NBAS: variants seen among roughly 807,000 people sequenced by gnomAD.
The protein encoded by NBAS is NBAS subunit of NRZ tethering complex.
In NBAS, 219 loss-of-function variants were observed where a neutral mutation model predicts 302.5. That is an observed-to-expected ratio of 0.72 (90% CI 0.65 to 0.81). The LOEUF is 0.81. Ranked by LOEUF, NBAS falls within the 30% of genes least tolerant of loss-of-function variation. The pLI, the probability that NBAS is intolerant of heterozygous loss-of-function variation, is 0.00. For synonymous variants in NBAS, 1,118 were observed against 1,021.6 expected, an observed-to-expected ratio of 1.09 and a Z score of -1.80; for missense variants, 2,932 against 2,841.6, an observed-to-expected ratio of 1.03 and a Z score of -0.72.
intron 42 of NBAS, among the ~76,000 whole-genome samples, chr2:15,279,493 G>A (rs1051088292): frequency 6.6e-6 from 1 of 152,120 alleles, no homozygotes; most frequent in Non-Finnish European, 1.5e-5. Flanking sequence ...TACTTCATTC[G>A]TAACACCTTG....
intron 48 of NBAS, among the ~76,000 whole-genome samples, chr2:15,209,785 A>T (rs1666322643): frequency 6.6e-6 from 1 of 152,172 alleles, no homozygotes; most frequent in Non-Finnish European, 1.5e-5. Flanking sequence ...CACAAACATC[A>T]GTGGAACAGA....
chr2:14,809,883 T>G, the NBAS span, among the ~76,000 whole-genome samples: 5 of 152,322 alleles, frequency 3.3e-5, no homozygotes, highest in African/African-American at 4.8e-5. Context: ...ATCTACCTAT[T>G]GCATCGGCGT....
the NBAS span, among the ~76,000 whole-genome samples, chr2:15,109,709 G>A: frequency 6.6e-6 from 1 of 151,948 alleles, no homozygotes; most frequent in Non-Finnish European, 1.5e-5. Flanking sequence ...AGCTCTCTGA[G>A]GTCTCTTTAT....
At chr2:15,301,843 G>C (rs1052180748) in intron 40 of NBAS, among the ~76,000 whole-genome samples, 1 of 152,176 alleles carries the variant, frequency 6.6e-6, no homozygotes, top group Non-Finnish European at 1.5e-5. Context: ...AGCATTAAAG[G>C]CAGAGTTTTT....
the NBAS span, among the ~76,000 whole-genome samples, chr2:15,036,030 A>G: frequency 6.6e-6 from 1 of 152,234 alleles, no homozygotes; most frequent in African/African-American, 2.4e-5. Context: ...ACATATTTTA[A>G]ATGTAAGTGA....
At chr2:14,799,007 T>A in the NBAS span, among the ~76,000 whole-genome samples, 1 of 152,036 alleles carries the variant, frequency 6.6e-6, no homozygotes, top group Non-Finnish European at 1.5e-5. Flanking sequence ...AGAGAGAATT[T>A]TACTACTTTG....
chr2:15,255,005 C>A (rs551218127), intron 44 of NBAS, among the ~76,000 whole-genome samples: 2 of 152,174 alleles, frequency 1.3e-5, no homozygotes, highest in African/African-American at 2.4e-5. Flanking sequence ...TTTGCAATTG[C>A]GAATTGTGCT....
intron 51 of NBAS, among the ~76,000 whole-genome samples, chr2:15,175,804 T>C (rs956400449): frequency 6.6e-6 from 1 of 152,216 alleles, no homozygotes; most frequent in Non-Finnish European, 1.5e-5. Flanking sequence ...GTCAGTACAA[T>C]CTCTGGCATC....
At chr2:14,846,143 C>T in the NBAS span, among the ~76,000 whole-genome samples, 1,948 of 152,066 alleles carry the variant, frequency 0.013, 49 homozygotes, top group African/African-American at 0.045. Context: ...AAAGAAAGGA[C>T]CTTAAAAGCA....
chr2:14,869,376 G>A, the NBAS span, among the ~76,000 whole-genome samples: 1 of 152,260 alleles, frequency 6.6e-6, no homozygotes, highest in African/African-American at 2.4e-5. Context: ...GTACACTCTA[G>A]CTGGCTATTC....
chr2:15,553,383 T>C (rs754087812), intron 5 of NBAS, 43 bp downstream of exon 5: 3 of 1,521,646 alleles, frequency 2.0e-6, no homozygotes, highest in Non-Finnish European at 2.7e-6. Context: ...GTAACAAATA[T>C]TTCTCAAAGG....
chr2:15,190,201 A>G, intron 49 of NBAS, 63 bp downstream of exon 49: 1 of 1,584,410 alleles, frequency 6.3e-7, no homozygotes, highest in Non-Finnish European at 8.7e-7. Context: ...AAGGTGCTAC[A>G]TTTTTAGGGC....
the NBAS span, among the ~76,000 whole-genome samples, chr2:14,912,829 C>G: frequency 6.6e-6 from 1 of 152,044 alleles, no homozygotes; most frequent in South Asian, 2.1e-4. Flanking sequence ...TTTTATGTTG[C>G]CTCCTATTCT....
intron 40 of NBAS, among the ~76,000 whole-genome samples, chr2:15,306,967 G>A (rs544769834): frequency 1.3e-5 from 2 of 152,308 alleles, no homozygotes; most frequent in East Asian, 1.9e-4. Context: ...TGTGTGACTT[G>A]AGAAAGATGT....
At chr2:15,406,216 G>C (rs1676408269) in intron 25 of NBAS, among the ~76,000 whole-genome samples, 4 of 151,534 alleles carry the variant, frequency 2.6e-5, no homozygotes, top group Admixed American at 2.6e-4. Context: ...TGAAGTACTA[G>C]TGCATGGACA....
At chr2:15,197,742 C>G (rs1313898820) in intron 48 of NBAS, among the ~76,000 whole-genome samples, 1 of 152,188 alleles carries the variant, frequency 6.6e-6, no homozygotes, top group East Asian at 1.9e-4. Flanking sequence ...TGTTTCTAAC[C>G]TGTAACTTGT....
the NBAS span, among the ~76,000 whole-genome samples, chr2:15,014,799 G>A: frequency 6.6e-6 from 1 of 151,748 alleles, no homozygotes; most frequent in Non-Finnish European, 1.5e-5. Context: ...GGTCAGAGCA[G>A]AAATAAATAA....
chr2:15,262,987 T>G (rs1219979697), intron 44 of NBAS, among the ~76,000 whole-genome samples: 1 of 152,180 alleles, frequency 6.6e-6, no homozygotes, highest in Non-Finnish European at 1.5e-5. Context: ...CATGCCCACA[T>G]TGCAGTAATG....
the NBAS span, among the ~76,000 whole-genome samples, chr2:15,001,260 G>C: frequency 2.6e-5 from 4 of 152,050 alleles, no homozygotes; most frequent in Non-Finnish European, 5.9e-5. Flanking sequence ...TATAGAGAGA[G>C]AGAGATATGT....
Sources: gnomAD v4.1 joint callset for allele counts (sites outside exome capture counted in the v4.1 genomes callset) on GRCh38, gnomAD v4.1.1 for gene constraint, MANE v1.5 for transcripts, NCBI Gene and HGNC (gene_info 2026-07-23, HGNC 2026-07-21) for gene names.